The following CTNNA3 variants were observed in gnomAD, a reference collection of about 807,000 sequenced individuals.
CTNNA3 encodes catenin alpha 3.
In CTNNA3, 76 loss-of-function variants were observed where a neutral mutation model predicts 95.7. The observed-to-expected ratio is 0.79, with a 90% CI of 0.66 to 0.96. The LOEUF (loss-of-function observed/expected upper bound fraction) is 0.96. CTNNA3 is among the 40% of genes least tolerant of loss of function. The pLI, the probability that CTNNA3 is intolerant of heterozygous loss-of-function variation, is 0.00. For missense variants in CTNNA3, 1,191 were observed against 1,089.8 expected (o/e 1.09, Z -1.31); for synonymous variants, 431 against 374.4 (o/e 1.15, Z -1.74).
At chr10:66,409,479 A>C (rs1254112970) in intron 11 of CTNNA3, among the ~76,000 whole-genome samples, 1 of 152,190 alleles carries the variant, frequency 6.6e-6, no homozygotes, top group Non-Finnish European at 1.5e-5. Context: ...ACTGTGGGGA[A>C]ACCAGGAGAG....
Position 66,150,036 on chromosome 10 carries a change from T to C in CTNNA3, c.1885-46787A>G, listed in dbSNP as rs2084111586. ...CTTTCTAATCCACAATGAACTTATTTTGGTTTTTCTTTGTTTTCCATAATG... is the reference window on the plus strand; with the variant it reads ...CTTTCTAATCCACAATGAACTTATTCTGGTTTTTCTTTGTTTTCCATAATG... On this transcript the variant is annotated intron_variant, in intron 13 of 17. Coordinates refer to ENST00000433211, the MANE Select transcript of CTNNA3 (RefSeq NM_013266.4). 2.6e-5 allele frequency among the ~76,000 whole-genome samples: 4 copies of C among 152,196 alleles called. No individual in the cohort carries two copies. The South Asian group carries it at 8.3e-4, about 31-fold the overall frequency.
intron 11 of CTNNA3, among the ~76,000 whole-genome samples, chr10:66,473,331 G>A (rs1839201497): frequency 6.6e-6 from 1 of 151,758 alleles, no homozygotes; most frequent in Admixed American, 6.6e-5. Flanking sequence ...AGATCTGATG[G>A]TTTTATAAGA....
intron 13 of CTNNA3, among the ~76,000 whole-genome samples, chr10:66,171,213 T>C (rs1191714416): frequency 6.6e-6 from 1 of 151,844 alleles, no homozygotes; most frequent in African/African-American, 2.4e-5. Flanking sequence ...AGTTTGTAAA[T>C]TAGGCTAATC....
At chr10:66,249,798 T>C (rs932310668) in intron 13 of CTNNA3, among the ~76,000 whole-genome samples, 2 of 152,038 alleles carry the variant, frequency 1.3e-5, no homozygotes, top group African/African-American at 4.8e-5. Context: ...CACTCCAGCT[T>C]GGGGGACAGA....
intron 10 of CTNNA3, among the ~76,000 whole-genome samples, chr10:66,585,154 T>C (rs890682341): frequency 6.6e-6 from 1 of 152,062 alleles, no homozygotes; most frequent in African/African-American, 2.4e-5. Flanking sequence ...GATGAGTATA[T>C]GCCTTAGTGA....
At chr10:67,269,933 A>G (rs966600188) in intron 5 of CTNNA3, among the ~76,000 whole-genome samples, 5 of 152,238 alleles carry the variant, frequency 3.3e-5, no homozygotes, top group Admixed American at 2.6e-4. Flanking sequence ...GTAGGACAAC[A>G]ACTCAGAAGG....
chr10:67,353,543 T>C (rs1842710984), intron 5 of CTNNA3, among the ~76,000 whole-genome samples: 1 of 151,972 alleles, frequency 6.6e-6, no homozygotes, highest in Non-Finnish European at 1.5e-5. Flanking sequence ...TTAGAATGCC[T>C]CCCTTGACAA....
At chr10:67,006,035 T>A (rs1851967046) in intron 7 of CTNNA3, among the ~76,000 whole-genome samples, 1 of 152,056 alleles carries the variant, frequency 6.6e-6, no homozygotes, top group African/African-American at 2.4e-5. Flanking sequence ...CAGCATCTTA[T>A]CTCATTATTC....
intron 3 of CTNNA3, among the ~76,000 whole-genome samples, chr10:67,587,225 G>C (rs549974232): frequency 4.9e-5 from 7 of 141,578 alleles, no homozygotes; most frequent in African/African-American, 1.7e-4. Context: ...GTGTGTGTGT[G>C]TGTGTGTGTG....
chr10:66,787,398 CT>C (rs1042556436), intron 7 of CTNNA3, among the ~76,000 whole-genome samples: 1 of 151,954 alleles, frequency 6.6e-6, no homozygotes, highest in African/African-American at 2.4e-5. Context: ...GCTGGTCTGT[CT>C]GGGTAGCACA....
intron 7 of CTNNA3, among the ~76,000 whole-genome samples, chr10:67,030,466 G>T (rs554027905): frequency 6.6e-6 from 1 of 152,094 alleles, no homozygotes; most frequent in Non-Finnish European, 1.5e-5. Flanking sequence ...TATACATTAT[G>T]TGTATATAAT....
chr10:66,820,863 A>G (rs1321147018), intron 7 of CTNNA3, among the ~76,000 whole-genome samples: 1 of 152,128 alleles, frequency 6.6e-6, no homozygotes, highest in African/African-American at 2.4e-5. Flanking sequence ...TCTAGAAATA[A>G]TAAGTCTTAA....
chr10:66,120,334 G>A (rs77851568), intron 13 of CTNNA3, among the ~76,000 whole-genome samples: 1,754 of 152,222 alleles, frequency 0.012, 28 homozygotes, highest in African/African-American at 0.04. Flanking sequence ...CACAATAAAT[G>A]CTCAGTAAAT....
intron 1 of CTNNA3, among the ~76,000 whole-genome samples, chr10:67,705,609 C>T (rs1318860687): frequency 7.8e-5 from 10 of 128,050 alleles, no homozygotes; most frequent in African/African-American, 3.0e-4. Context: ...GGGGGACCAT[C>T]ACACTCTGGG....
chr10:67,685,510 G>A (rs1355092596), intron 1 of CTNNA3, among the ~76,000 whole-genome samples: 1 of 152,194 alleles, frequency 6.6e-6, no homozygotes, highest in Non-Finnish European at 1.5e-5. Context: ...TTGGACCTTT[G>A]TATGGTAATT....
chr10:67,265,076 C>A (rs1388022337), intron 5 of CTNNA3, among the ~76,000 whole-genome samples: 1 of 152,134 alleles, frequency 6.6e-6, no homozygotes, highest in Non-Finnish European at 1.5e-5. Flanking sequence ...GTGTTCCCAA[C>A]CTGGCAAACC....
At chr10:67,237,171 T>TACACAC (rs1865523537) in intron 5 of CTNNA3, among the ~76,000 whole-genome samples, 1 of 115,330 alleles carries the variant, frequency 8.7e-6, no homozygotes, top group African/African-American at 3.4e-5. Context: ...TATATATATA[T>TACACAC]ATACACACAC....
At chr10:66,572,686 A>T (rs1463146400) in intron 10 of CTNNA3, among the ~76,000 whole-genome samples, 1 of 152,174 alleles carries the variant, frequency 6.6e-6, no homozygotes, top group Non-Finnish European at 1.5e-5. Flanking sequence ...GAGGCCACTT[A>T]TCTCCACATT....
At chr10:66,775,324 CTT>C (rs5785786) in intron 8 of CTNNA3, 118 bp downstream of exon 8, 4 of 650,832 alleles carry the variant, frequency 6.1e-6, no homozygotes, top group Non-Finnish European at 1.1e-5. Flanking sequence ...TATATTTACT[CTT>C]TTTTTCCTGT....
Sources: allele counts gnomAD v4.1 joint callset (sites outside exome capture counted in the v4.1 genomes callset), GRCh38; gene constraint gnomAD v4.1.1; transcripts MANE v1.5; gene names NCBI Gene and HGNC (gene_info 2026-07-23, HGNC 2026-07-21).